PRKG1: variants seen among roughly 807,000 people sequenced by gnomAD.
The protein encoded by PRKG1 is protein kinase cGMP-dependent 1, also known as cGMP-dependent protein kinase 1.
Under a neutral mutation model 88.1 loss-of-function variants are expected in PRKG1, and 35 were observed. The observed-to-expected ratio is 0.40, with a 90% CI of 0.30 to 0.53. The LOEUF (loss-of-function observed/expected upper bound fraction) is 0.53. PRKG1 is among the 20% of genes least tolerant of loss of function. The probability of loss-of-function intolerance (pLI) is 0.59; values close to 1 mark genes in which losing one functional copy is unlikely to be tolerated. For missense variants in PRKG1, 540 were observed against 839.8 expected, an observed-to-expected ratio of 0.64 and a Z score of 4.41; for synonymous variants, 303 against 292.5, an observed-to-expected ratio of 1.04 and a Z score of -0.37.
intron 1 of PRKG1, among the ~76,000 whole-genome samples, chr10:51,022,035 G>A (rs778011099): frequency 6.6e-6 from 1 of 152,182 alleles, no homozygotes; most frequent in Non-Finnish European, 1.5e-5. Context: ...AAATGTGCAA[G>A]CAACACATCT....
chr10:51,148,215 G>T (rs1845985725), intron 1 of PRKG1: 1 of 984,356 alleles, frequency 1.0e-6, no homozygotes, highest in African/African-American at 1.7e-5. Flanking sequence ...CCTCAATGAA[G>T]ACTTGGATGT....
At chr10:51,501,728 T>G (rs1413685235) in intron 3 of PRKG1, among the ~76,000 whole-genome samples, 1 of 152,112 alleles carries the variant, frequency 6.6e-6, no homozygotes, top group African/African-American at 2.4e-5. Flanking sequence ...CTCCCTTTCT[T>G]TATTCAAGAG....
intron 9 of PRKG1, among the ~76,000 whole-genome samples, chr10:52,197,722 G>A (rs1170713781): frequency 1.3e-5 from 2 of 152,312 alleles, no homozygotes; most frequent in Non-Finnish European, 2.9e-5. Context: ...CCTTCATTCT[G>A]TAGAAGAGGA....
intron 2 of PRKG1, among the ~76,000 whole-genome samples, chr10:51,206,309 G>A (rs1448696824): frequency 1.3e-5 from 2 of 151,788 alleles, no homozygotes; most frequent in Non-Finnish European, 2.9e-5. Flanking sequence ...GGCCAAGATG[G>A]TGAAACCCCG....
Position 52,034,609 on chromosome 10 carries a change from T to C in PRKG1, c.763-19875T>C, listed in dbSNP as rs545826185. Reference sequence around the variant, plus strand: ...TAGTCCTGCCAGCAAAGATTATTTATTTACTTCAAGAGTTAAGAGTGGCAG... The same window carrying C: ...TAGTCCTGCCAGCAAAGATTATTTACTTACTTCAAGAGTTAAGAGTGGCAG... On this transcript the variant is annotated intron_variant, in intron 5 of 17. Transcript: ENST00000373980. Among the ~76,000 whole-genome samples, 200 of 151,616 alleles carry C rather than the reference T, an allele frequency of 1.3e-3. 1 individual carries two copies. Among genetic ancestry groups the C allele is most frequent in the Non-Finnish European group, 2.3e-3 (157 of 67,902 alleles).
At chr10:51,363,161 A>G (rs1402113342) in intron 2 of PRKG1, among the ~76,000 whole-genome samples, 1 of 151,794 alleles carries the variant, frequency 6.6e-6, no homozygotes. Flanking sequence ...ACAATCATTG[A>G]ATATTTTTAA....
At chr10:51,699,613 A>G in intron 3 of PRKG1, 1 of 1,523,204 alleles carries the variant, frequency 6.6e-7, no homozygotes, top group Non-Finnish European at 8.8e-7. Flanking sequence ...TGCGACCGAC[A>G]CTTCCGCTGA....
intron 3 of PRKG1, among the ~76,000 whole-genome samples, chr10:51,754,327 C>T (rs1425421181): frequency 6.6e-6 from 1 of 152,176 alleles, no homozygotes; most frequent in Non-Finnish European, 1.5e-5. Flanking sequence ...AATTCTCTGG[C>T]AATACAACTC....
chr10:51,367,788 C>A (rs1252307277), intron 2 of PRKG1, among the ~76,000 whole-genome samples: 3 of 151,798 alleles, frequency 2.0e-5, no homozygotes, highest in Non-Finnish European at 4.4e-5. Flanking sequence ...GTTTTTTGGT[C>A]CAGTAGTAAA....
chr10:52,113,046 C>T (rs1422689322), intron 7 of PRKG1, among the ~76,000 whole-genome samples: 1 of 152,120 alleles, frequency 6.6e-6, no homozygotes, highest in African/African-American at 2.4e-5. Flanking sequence ...TTTACTGAAG[C>T]TTCTTTATCT....
At chr10:51,026,850 A>G (rs867495260) in intron 1 of PRKG1, among the ~76,000 whole-genome samples, 1 of 152,188 alleles carries the variant, frequency 6.6e-6, no homozygotes, top group Non-Finnish European at 1.5e-5. Flanking sequence ...TATATGCATT[A>G]TCTTCCTTAA....
chr10:51,031,721 G>C (rs1297001690), intron 1 of PRKG1, among the ~76,000 whole-genome samples: 1 of 152,178 alleles, frequency 6.6e-6, no homozygotes, highest in Non-Finnish European at 1.5e-5. Flanking sequence ...CACAAGACCA[G>C]TATGTGGTCA....
intron 2 of PRKG1, among the ~76,000 whole-genome samples, chr10:51,397,024 A>G (rs1022954374): frequency 4.6e-5 from 7 of 152,208 alleles, no homozygotes; most frequent in Non-Finnish European, 8.8e-5. Context: ...CCTAGTTTCA[A>G]TAAAGCTTAT....
chr10:52,245,514 A>T (rs1315711969), intron 9 of PRKG1, among the ~76,000 whole-genome samples: 3 of 152,126 alleles, frequency 2.0e-5, no homozygotes, highest in Non-Finnish European at 4.4e-5. Flanking sequence ...AATCCAGGGT[A>T]GACCTTGATG....
chr10:51,051,592 T>G (rs1382262373), intron 1 of PRKG1, among the ~76,000 whole-genome samples: 2 of 152,176 alleles, frequency 1.3e-5, no homozygotes, highest in Non-Finnish European at 2.9e-5. Context: ...TCCCAGGACT[T>G]CAGCATATCT....
intron 3 of PRKG1, among the ~76,000 whole-genome samples, chr10:51,766,379 T>C (rs1564638447): frequency 6.6e-6 from 1 of 152,106 alleles, no homozygotes; most frequent in Non-Finnish European, 1.5e-5. Context: ...CTGTGCATGT[T>C]TTAGGGGACA....
At chr10:52,176,588 T>G (rs1347620323) in intron 9 of PRKG1, among the ~76,000 whole-genome samples, 1 of 152,174 alleles carries the variant, frequency 6.6e-6, no homozygotes, top group African/African-American at 2.4e-5. Flanking sequence ...GGGATTGCAT[T>G]AAATCCATAG....
intron 4 of PRKG1, among the ~76,000 whole-genome samples, chr10:51,885,888 T>G (rs1242630944): frequency 6.6e-6 from 1 of 152,222 alleles, no homozygotes; most frequent in East Asian, 1.9e-4. Flanking sequence ...ATCTATTACT[T>G]ATGCATTCCC....
intron 3 of PRKG1, among the ~76,000 whole-genome samples, chr10:51,588,763 G>A (rs35752468): frequency 0.3 from 46,336 of 151,960 alleles, 8,092 homozygotes; most frequent in Non-Finnish European, 0.4. Context: ...AATCCGAAAG[G>A]TTTCTTTGAT....
Sources: allele counts gnomAD v4.1 joint callset (sites outside exome capture counted in the v4.1 genomes callset), GRCh38; gene constraint gnomAD v4.1.1; transcripts MANE v1.5; gene names NCBI Gene and HGNC (gene_info 2026-07-23, HGNC 2026-07-21).